APC: variants seen among roughly 807,000 people sequenced by gnomAD.
APC encodes adenomatous polyposis coli protein.
A neutral mutation model predicts 247.0 loss-of-function variants in APC; 72 were observed. The observed-to-expected ratio is 0.29, with a 90% CI of 0.24 to 0.35. The LOEUF is 0.35. Ranked by LOEUF, APC falls within the 10% of genes least tolerant of loss-of-function variation. APC has a pLI of 1.00. For missense variants in APC, 3,400 were observed against 3,360.7 expected, an observed-to-expected ratio of 1.01 and a Z score of -0.29; for synonymous variants, 1,254 against 1,162.5, an observed-to-expected ratio of 1.08 and a Z score of -1.60.
At chr5:112,728,208 G>A (rs1751902522) in intron 1 of APC, among the ~76,000 whole-genome samples, 1 of 151,912 alleles carries the variant, frequency 6.6e-6, no homozygotes, top group Non-Finnish European at 1.5e-5. Context: ...GCTCACTGCA[G>A]CCTCCACCTC....
Position 112,842,285 on chromosome 5 carries a change from A to T in APC, c.6691A>T (p.Ile2231Phe), listed in dbSNP as rs534228737. The change falls in exon 16 of 16, where the codon ATT becomes TTT. Residue 2231 changes from isoleucine (I) to phenylalanine (F), a missense_variant. Around this residue, in one of 9 missense-constraint regions of APC, gnomAD observed 1,788 missense variants for 1,649.5 expected, o/e 1.08. Coordinates refer to ENST00000257430, the MANE Select transcript of APC (RefSeq NM_000038.6). ...TTCAATCTCTCGAGGCAGGACAATG[A>T]TTCATATTCCAGGAGTTCGAAATAG... ...MPSISRGRTM[I>F]HIPGVRNSSS... 5 of 1,613,986 alleles carry T rather than the reference A, an allele frequency of 3.1e-6. No individual in the cohort carries two copies. The East Asian group carries it at 1.1e-4, about 36-fold the overall frequency.
intron 1 of APC, among the ~76,000 whole-genome samples, chr5:112,739,321 A>G (rs1374370923): frequency 1.3e-5 from 2 of 152,174 alleles, no homozygotes; most frequent in Non-Finnish European, 2.9e-5. Context: ...CACTCCCTGA[A>G]CAAGGATGGC....
At position 112,841,221 on chromosome 5, in the gene APC, G is replaced by T. The variant is rs773201570; in HGVS notation, c.5627G>T (p.Arg1876Met). Residue 1876 changes from arginine (R) to methionine (M), a missense_variant, in exon 16 of 16, where the codon AGG becomes ATG. Coordinates refer to ENST00000257430, the MANE Select transcript of APC (RefSeq NM_000038.6). The surrounding 1 kb of genome is among the most constrained non-coding windows in gnomAD (Gnocchi z 4.6). ...GATGATGATGATGTTGACCTTTCCA[G>T]GGAAAAGGCTGAATTAAGAAAGGCA... ...DFDDDDVDLS[R>M]EKAELRKAKE... The T allele has an allele frequency of 6.8e-6, 11 of 1,613,726 alleles. No homozygotes were observed. The highest frequency in any genetic ancestry group is 9.3e-6 in the Non-Finnish European group (11 of 1,179,818).
intron 10 of APC, 27 bp from the exon 11 acceptor site, chr5:112,821,869 A>G: frequency 2.0e-6 from 3 of 1,532,330 alleles, no homozygotes; most frequent in South Asian, 2.2e-5. Flanking sequence ...ACAAAGCATT[A>G]TGGTTTATGT....
chr5:112,766,371 GCTT>G lies in APC; in HGVS notation c.187_189del (p.Ser63del), dbSNP rs876660575. Reference sequence around the variant, plus strand: ...AGGAAGTATTGAAGATGAAGCTATGGCTTCTTCTGGACAGATTGATTTATTAGA... The same window carrying G: ...AGGAAGTATTGAAGATGAAGCTATGGCTTCTGGACAGATTGATTTATTAGA... On this transcript the variant is annotated inframe_deletion, in exon 3 of 16. Coordinates refer to ENST00000257430, the MANE Select transcript of APC (RefSeq NM_000038.6). 3.7e-6 allele frequency: 6 copies of G among 1,612,326 alleles called. No homozygotes were observed. The highest frequency in any genetic ancestry group is 5.1e-6 in the Non-Finnish European group (6 of 1,178,654).
At chr5:112,793,393 A>G (rs879829020) in intron 7 of APC, among the ~76,000 whole-genome samples, 14 of 152,200 alleles carry the variant, frequency 9.2e-5, no homozygotes, top group Admixed American at 8.5e-4. Context: ...AGGAACTTCT[A>G]TAAGGAATGT....
In APC at chr5:112,827,179, A is replaced by G. The variant is rs1554081689; in HGVS notation, c.1480A>G (p.Ser494Gly). Residue 494 changes from serine to glycine, a missense_variant, in exon 12 of 16, where the codon AGT (serine) becomes GGT (glycine). By Grantham distance (56) the Ser-to-Gly change is moderately conservative (BLOSUM62 0). Transcript: ENST00000257430. ...EMYGLTNDHYSITLRRYAGMA... is the reference protein window; with the variant it reads ...EMYGLTNDHYGITLRRYAGMA... Reference sequence around the variant, plus strand: ...GTATGGGCTTACTAATGACCACTACAGTATTACACTAAGACGATATGCTGG... The same window carrying G: ...GTATGGGCTTACTAATGACCACTACGGTATTACACTAAGACGATATGCTGG... The G allele has an allele frequency of 3.7e-6, 6 of 1,613,786 alleles. No individual in the cohort carries two copies. The highest frequency in any genetic ancestry group is 1.3e-5 in the African/African-American group (1 of 74,930).
chr5:112,791,967 C>T (rs1185278323), intron 6 of APC, among the ~76,000 whole-genome samples: 12 of 152,086 alleles, frequency 7.9e-5, no homozygotes, highest in African/African-American at 7.2e-5. Flanking sequence ...GACCCAGGGC[C>T]GGGCACAGTG....
rs1554087227 is a variant in APC at position 112,841,717 on chromosome 5, A to C, written c.6123A>C (p.Glu2041Asp). 6.2e-7 allele frequency: 1 copy of C among 1,613,818 alleles called. No homozygotes were observed. Among genetic ancestry groups the C allele is most frequent in the Non-Finnish European group, 8.5e-7 (1 of 1,179,706 alleles). ...ACTCTGAAGATGACCTGTTGCAGGA[A>C]TGTATAAGCTCCGCAATGCCAAAAA... ...SIDSEDDLLQ[E>D]CISSAMPKKK... Residue 2041 changes from glutamate to aspartate, a missense_variant, in exon 16 of 16, where the codon GAA becomes GAC. By Grantham distance (45) the Glu-to-Asp change is conservative. Transcript: ENST00000257430. This position sits in a 1 kb window ranked among gnomAD's most constrained non-coding sequence, Gnocchi z 4.6.
intron 4 of APC, 75 bp from the exon 5 acceptor site, chr5:112,775,554 T>C (rs1454136014): frequency 1.9e-5 from 16 of 852,530 alleles, no homozygotes; most frequent in Admixed American, 2.2e-5. Flanking sequence ...CAATAACAAC[T>C]GATGTAAGTA....
intron 2 of APC, among the ~76,000 whole-genome samples, chr5:112,759,916 G>A (rs904058024): frequency 6.6e-6 from 1 of 152,038 alleles, no homozygotes; most frequent in Non-Finnish European, 1.5e-5. Flanking sequence ...CTTCTAGGTT[G>A]TATGCAGTAT....
chr5:112,715,335 T>TA (rs1751103718), intron 1 of APC, among the ~76,000 whole-genome samples: 1 of 152,090 alleles, frequency 6.6e-6, no homozygotes, highest in Non-Finnish European at 1.5e-5. Context: ...TATGTACACA[T>TA]ACACACACAC....
At chr5:112,834,403 G>T (rs1033732818) in intron 14 of APC, among the ~76,000 whole-genome samples, 1 of 151,772 alleles carries the variant, frequency 6.6e-6, no homozygotes, top group Non-Finnish European at 1.5e-5. Context: ...CATGAAGCCC[G>T]GCTAATTTTT....
intron 8 of APC, among the ~76,000 whole-genome samples, chr5:112,815,281 A>C (rs1158559372): frequency 6.6e-6 from 1 of 152,236 alleles, no homozygotes; most frequent in Non-Finnish European, 1.5e-5. Context: ...TTTAATGCTC[A>C]TATGCAAGAA....
intron 6 of APC, among the ~76,000 whole-genome samples, chr5:112,786,988 A>C (rs1039949050): frequency 2.0e-5 from 3 of 151,334 alleles, no homozygotes; most frequent in African/African-American, 7.3e-5. Context: ...CTAAGGTTCA[A>C]ACGATTCTTG....
At chr5:112,733,369 G>A (rs1199455668), upstream of APC, among the ~76,000 whole-genome samples, 1 of 152,140 alleles carries the variant, frequency 6.6e-6, no homozygotes, top group East Asian at 1.9e-4. Flanking sequence ...TATTGACGTG[G>A]GCCAAATGTA....
rs544669011 is a variant in APC, at chr5:112,841,412, A to G, written c.5818A>G (p.Ile1940Val). The part of the protein sequence containing the change: ...QSTFPQSSKD[I>V]PDRGAATDEK... Reference sequence around the variant, plus strand: ...CACTTTTCCCCAGTCATCCAAAGACATACCAGACAGAGGGGCAGCAACTGA... The same window carrying G: ...CACTTTTCCCCAGTCATCCAAAGACGTACCAGACAGAGGGGCAGCAACTGA... Residue 1940 changes from isoleucine (I) to valine (V), a missense_variant, in exon 16 of 16, where the codon ATA (isoleucine) becomes GTA (valine). Coordinates refer to ENST00000257430, the MANE Select transcript of APC (RefSeq NM_000038.6). The surrounding 1 kb of genome is among the most constrained non-coding windows in gnomAD (Gnocchi z 4.6). 3.1e-6 allele frequency: 5 copies of G among 1,614,024 alleles called. No individual in the cohort carries two copies. The highest frequency in any genetic ancestry group is 1.7e-5 in the Admixed American group (1 of 60,016).
chr5:112,811,714 T>A (rs1038318942), intron 8 of APC, among the ~76,000 whole-genome samples: 1 of 152,250 alleles, frequency 6.6e-6, no homozygotes, highest in African/African-American at 2.4e-5. Flanking sequence ...GTTTCATAAT[T>A]AAACCTCCTG....
intron 5 of APC, among the ~76,000 whole-genome samples, chr5:112,778,704 C>T (rs1223212042): frequency 6.6e-6 from 1 of 151,902 alleles, no homozygotes; most frequent in East Asian, 1.9e-4. Flanking sequence ...CCACCATGTC[C>T]AGCTAATTTT....
Sources: gnomAD v4.1 joint callset for allele counts (sites outside exome capture counted in the v4.1 genomes callset) on GRCh38, gnomAD v4.1.1 for gene constraint, gnomAD v4.1.1 regional missense constraint, Gnocchi (gnomAD v3.1) non-coding constraint, MANE v1.5 for transcripts, NCBI Gene and HGNC (gene_info 2026-07-23, HGNC 2026-07-21) for gene names.